The following KHDRBS2 variants were observed in gnomAD, a reference collection of about 807,000 sequenced individuals.
The protein encoded by KHDRBS2 is KH domain-containing, RNA-binding, signal transduction-associated protein 2.
Under a neutral mutation model 44.3 loss-of-function variants are expected in KHDRBS2, and 26 were observed. That is an observed-to-expected ratio of 0.59 (90% CI 0.43 to 0.81). The LOEUF is 0.81. KHDRBS2 is among the 40% of genes least tolerant of loss of function. The pLI is 0.00. For synonymous variants in KHDRBS2, 194 were observed against 151.1 expected, an observed-to-expected ratio of 1.28 and a Z score of -2.08; for missense variants, 476 against 433.1, an observed-to-expected ratio of 1.10 and a Z score of -0.88.
chr6:61,588,685 G>A, the KHDRBS2 span, among the ~76,000 whole-genome samples: 2 of 152,020 alleles, frequency 1.3e-5, no homozygotes, highest in African/African-American at 4.8e-5. Flanking sequence ...CCAGTGGCTT[G>A]GGAGACTGAG....
At position 61,901,378 on chromosome 6, in the gene KHDRBS2, A is replaced by G. The variant is rs777025830; in HGVS notation, c.484-7T>C. The stretch of plus-strand genomic sequence containing the variant: ...GAATTTCATCATTGTAGTCCTGGAG[A>G]AAAAACATGATGTGATGAGTTAAAA... On this transcript the variant is annotated splice_region_variant and splice_polypyrimidine_tract_variant and intron_variant, in intron 4 of 8. Transcript: ENST00000281156. The G allele has an allele frequency of 6.2e-6, 10 of 1,609,604 alleles. No homozygotes were observed. The East Asian group carries it at 2.0e-4, about 32-fold the overall frequency.
intron 6 of KHDRBS2, among the ~76,000 whole-genome samples, chr6:61,735,443 T>C (rs1775185307): frequency 6.6e-6 from 1 of 152,160 alleles, no homozygotes; most frequent in Non-Finnish European, 1.5e-5. Flanking sequence ...ATTTCTACAA[T>C]TGTCCCAAGC....
At chr6:61,780,484 C>G (rs537628452) in intron 6 of KHDRBS2, among the ~76,000 whole-genome samples, 11 of 152,214 alleles carry the variant, frequency 7.2e-5, no homozygotes, top group Non-Finnish European at 1.6e-4. Flanking sequence ...GAGCCAGACT[C>G]TTTCTGGAAG....
intron 6 of KHDRBS2, among the ~76,000 whole-genome samples, chr6:61,875,191 A>C (rs1275590612): frequency 6.6e-6 from 1 of 151,492 alleles, no homozygotes; most frequent in Admixed American, 6.6e-5. Context: ...GGGGGCAGGG[A>C]GGGAGAGAGA....
At chr6:61,611,820 C>T in the KHDRBS2 span, among the ~76,000 whole-genome samples, 29 of 152,178 alleles carry the variant, frequency 1.9e-4, no homozygotes, top group Non-Finnish European at 3.4e-4. Flanking sequence ...TTTCAACTCA[C>T]CTTCCTCTCT....
chr6:61,802,416 A>C (rs1274001270), intron 6 of KHDRBS2, among the ~76,000 whole-genome samples: 3 of 152,188 alleles, frequency 2.0e-5, no homozygotes, highest in Non-Finnish European at 2.9e-5. Context: ...AGTGAATCTT[A>C]AGGGCTTTTG....
intron 1 of KHDRBS2, among the ~76,000 whole-genome samples, chr6:62,180,744 T>C (rs538683519): frequency 5.7e-4 from 87 of 151,924 alleles, no homozygotes; most frequent in African/African-American, 2.0e-3. Flanking sequence ...AAAGTAATTT[T>C]GAGAAAATAC....
At chr6:61,571,633 A>G in the KHDRBS2 span, among the ~76,000 whole-genome samples, 1 of 152,146 alleles carries the variant, frequency 6.6e-6, no homozygotes. Context: ...AGTACAGGGA[A>G]CATTCTCCAA....
chr6:61,656,750 C>T, the KHDRBS2 span, among the ~76,000 whole-genome samples: 2 of 151,896 alleles, frequency 1.3e-5, no homozygotes, highest in South Asian at 2.1e-4. Flanking sequence ...TGCGCCGGTG[C>T]CAGCACATCA....
chr6:62,002,188 TAA>T (rs11324540), intron 3 of KHDRBS2, among the ~76,000 whole-genome samples: 87 of 150,392 alleles, frequency 5.8e-4, no homozygotes, highest in African/African-American at 1.9e-3. Flanking sequence ...CCACAGTGAT[TAA>T]AAAAAAAAAT....
the KHDRBS2 span, among the ~76,000 whole-genome samples, chr6:61,580,221 A>G: frequency 1.3e-5 from 2 of 152,196 alleles, no homozygotes; most frequent in South Asian, 4.1e-4. Context: ...CAGTAAAAGT[A>G]AGAGGTGAAG....
At chr6:61,917,481 G>A (rs1486706955) in intron 4 of KHDRBS2, among the ~76,000 whole-genome samples, 2 of 151,790 alleles carry the variant, frequency 1.3e-5, no homozygotes, top group Non-Finnish European at 2.9e-5. Context: ...TGATTGACAG[G>A]GGTTAGGGGA....
chr6:62,206,847 G>T lies in KHDRBS2; in HGVS notation c.92-29535C>A, dbSNP rs115000021. Among the ~76,000 whole-genome samples, 1,090 of 152,166 alleles carry T rather than the reference G, an allele frequency of 7.2e-3. 15 individuals carry two copies. The highest frequency in any genetic ancestry group is 0.025 in the African/African-American group (1,054 of 41,526). On this transcript the variant is annotated intron_variant, in intron 1 of 8. Transcript: ENST00000281156. The stretch of plus-strand genomic sequence containing the variant: ...AAGAATATTTTGTTTTTCAGTGCTT[G>T]TGATGAAGAATAAAGTTTGACTTCA...
chr6:62,132,203 G>T (rs1810488067), intron 2 of KHDRBS2, among the ~76,000 whole-genome samples: 1 of 152,078 alleles, frequency 6.6e-6, no homozygotes, highest in Admixed American at 6.6e-5. Flanking sequence ...ATGAATACAT[G>T]GAAGAGTATA....
At chr6:62,095,976 T>A (rs1800514821) in intron 2 of KHDRBS2, among the ~76,000 whole-genome samples, 1 of 151,984 alleles carries the variant, frequency 6.6e-6, no homozygotes, top group East Asian at 1.9e-4. Flanking sequence ...ATTCGGATGA[T>A]CATATAATTT....
intron 2 of KHDRBS2, among the ~76,000 whole-genome samples, chr6:62,116,932 T>C (rs1806382932): frequency 6.6e-6 from 1 of 152,194 alleles, no homozygotes; most frequent in African/African-American, 2.4e-5. Flanking sequence ...TTCACTCTTT[T>C]CTTTATGGCT....
At chr6:61,752,519 G>A (rs1476177945) in intron 6 of KHDRBS2, among the ~76,000 whole-genome samples, 4 of 151,724 alleles carry the variant, frequency 2.6e-5, no homozygotes, top group East Asian at 3.9e-4. Context: ...CTATTCAATC[G>A]TATTATTCTT....
At chr6:62,121,736 G>A (rs79860815) in intron 2 of KHDRBS2, among the ~76,000 whole-genome samples, 17,925 of 152,144 alleles carry the variant, frequency 0.12, 1,371 homozygotes, top group South Asian at 0.16. Flanking sequence ...ACATGGGTCC[G>A]TTACATTGAT....
intron 3 of KHDRBS2, among the ~76,000 whole-genome samples, chr6:62,038,534 T>C (rs996384431): frequency 1.3e-5 from 2 of 152,068 alleles, no homozygotes; most frequent in East Asian, 3.9e-4. Context: ...CTTGTGAATT[T>C]AAAAAACTGG....
Sources: allele counts gnomAD v4.1 joint callset (sites outside exome capture counted in the v4.1 genomes callset), GRCh38; gene constraint gnomAD v4.1.1; transcripts MANE v1.5; gene names NCBI Gene and HGNC (gene_info 2026-07-23, HGNC 2026-07-21).